Variants in PRKG1 observed in about 807,000 individuals in gnomAD.
PRKG1 encodes the protein cGMP-dependent protein kinase 1.
A neutral mutation model predicts 88.1 loss-of-function variants in PRKG1; 35 were observed. The observed-to-expected ratio is 0.40, with a 90% CI of 0.30 to 0.53. The LOEUF is 0.53. PRKG1 is among the 20% of genes least tolerant of loss of function. The pLI is 0.59. For synonymous variants in PRKG1, 303 were observed against 292.5 expected (o/e 1.04, Z -0.37); for missense variants, 540 against 839.8 (o/e 0.64, Z 4.41).
intron 4 of PRKG1, among the ~76,000 whole-genome samples, chr10:51,805,871 G>C (rs1274875900): frequency 6.6e-6 from 1 of 152,076 alleles, no homozygotes; most frequent in Non-Finnish European, 1.5e-5. Context: ...ATTAATTACT[G>C]TCAGCAGGGT....
chr10:51,784,729 T>C (rs1329006414), intron 3 of PRKG1, among the ~76,000 whole-genome samples: 1 of 152,144 alleles, frequency 6.6e-6, no homozygotes, highest in Non-Finnish European at 1.5e-5. Flanking sequence ...TTGAACTTCC[T>C]TCCCTGGAAA....
In PRKG1 at chr10:51,312,785, C is replaced by G. The variant is rs561520274; in HGVS notation, c.479-154938C>G. Among the ~76,000 whole-genome samples, 5 of 151,756 alleles carry G rather than the reference C, an allele frequency of 3.3e-5. 1 individual carries two copies. In the South Asian group the frequency reaches 1.0e-3, roughly 32 times the overall value. On this transcript the variant is annotated intron_variant, in intron 2 of 17. Transcript: ENST00000373980. ...ATGAACCTTCACAAATATACTATTTCCAGTCCCCAAGTAGTGGGGTACACA... is the reference window on the plus strand; with the variant it reads ...ATGAACCTTCACAAATATACTATTTGCAGTCCCCAAGTAGTGGGGTACACA...
intron 3 of PRKG1, among the ~76,000 whole-genome samples, chr10:51,767,004 T>A (rs1564638701): frequency 6.6e-6 from 1 of 152,224 alleles, no homozygotes; most frequent in Non-Finnish European, 1.5e-5. Flanking sequence ...GTTGTGTTTT[T>A]CTCATGTTAA....
At chr10:51,429,434 A>T (rs1040620515) in intron 2 of PRKG1, among the ~76,000 whole-genome samples, 1 of 152,158 alleles carries the variant, frequency 6.6e-6, no homozygotes, top group East Asian at 1.9e-4. Flanking sequence ...AACAAAATTC[A>T]TGAGACACAT....
chr10:51,199,425 T>C (rs1837855003), intron 2 of PRKG1, among the ~76,000 whole-genome samples: 1 of 152,194 alleles, frequency 6.6e-6, no homozygotes, highest in Non-Finnish European at 1.5e-5. Flanking sequence ...GTTCCAGGTT[T>C]ATATGTGAAT....
chr10:51,922,809 CAG>C (rs1218494692), intron 5 of PRKG1, among the ~76,000 whole-genome samples: 5 of 151,802 alleles, frequency 3.3e-5, no homozygotes, highest in African/African-American at 4.8e-5. Flanking sequence ...TTTTATGACA[CAG>C]AGTGTGGTTT....
chr10:51,079,423 G>A (rs1164521303), intron 1 of PRKG1, among the ~76,000 whole-genome samples: 2 of 152,154 alleles, frequency 1.3e-5, no homozygotes, highest in African/African-American at 4.8e-5. Context: ...TAGGTGAGTG[G>A]AAATGAGAGG....
At chr10:52,198,383 T>G (rs889950123) in intron 9 of PRKG1, among the ~76,000 whole-genome samples, 6 of 152,164 alleles carry the variant, frequency 3.9e-5, no homozygotes, top group African/African-American at 1.4e-4. Flanking sequence ...AAAGAAATTG[T>G]GTTTACAATG....
Position 52,123,169 on chromosome 10 carries a change from C to T in PRKG1, c.936-10671C>T, listed in dbSNP as rs1221672694. 3.3e-5 allele frequency among the ~76,000 whole-genome samples: 5 copies of T among 152,136 alleles called. No homozygotes were observed. In the East Asian group the frequency reaches 7.7e-4, roughly 23 times the overall value. On this transcript the variant is annotated intron_variant, in intron 7 of 17. Transcript: ENST00000373980. The stretch of plus-strand genomic sequence containing the variant: ...TCAGATAAAAAATTCATTATGCTAT[C>T]AACCCAGCAGAAGTAATGAAAAAAA...
chr10:52,071,543 T>C (rs1846496467), intron 7 of PRKG1, among the ~76,000 whole-genome samples: 1 of 152,108 alleles, frequency 6.6e-6, no homozygotes, highest in Non-Finnish European at 1.5e-5. Flanking sequence ...ATTTTTAGAA[T>C]GTCAAATTCT....
chr10:52,086,287 A>G (rs191555037), intron 7 of PRKG1, among the ~76,000 whole-genome samples: 2 of 152,222 alleles, frequency 1.3e-5, no homozygotes, highest in Admixed American at 1.3e-4. Flanking sequence ...TGTAAAAGTG[A>G]GTAGATACAT....
At chr10:51,297,379 C>T (rs149798486) in intron 2 of PRKG1, among the ~76,000 whole-genome samples, 196 of 152,206 alleles carry the variant, frequency 1.3e-3, no homozygotes, top group African/African-American at 4.5e-3. Context: ...AAAAATGCTG[C>T]TTTAACTGCT....
intron 5 of PRKG1, among the ~76,000 whole-genome samples, chr10:51,993,143 A>G (rs2133132161): frequency 6.6e-6 from 1 of 152,310 alleles, no homozygotes; most frequent in Non-Finnish European, 1.5e-5. Context: ...CCTCCTCATT[A>G]TATATCTAGC....
chr10:52,228,326 G>A (rs1050370542), intron 9 of PRKG1, among the ~76,000 whole-genome samples: 2 of 152,002 alleles, frequency 1.3e-5, no homozygotes, highest in African/African-American at 4.8e-5. Flanking sequence ...GCTAATCCAG[G>A]GATTTAAGCC....
chr10:52,074,436 C>G (rs1846581830), intron 7 of PRKG1, among the ~76,000 whole-genome samples: 2 of 152,104 alleles, frequency 1.3e-5, no homozygotes, highest in Non-Finnish European at 2.9e-5. Flanking sequence ...AATTGAGCTA[C>G]TTATAAAAAC....
chr10:52,277,963 AG>A (rs1841913690), intron 12 of PRKG1, among the ~76,000 whole-genome samples: 1 of 152,146 alleles, frequency 6.6e-6, no homozygotes, highest in Non-Finnish European at 1.5e-5. Context: ...AGCATTTGTA[AG>A]CTTTCAAAAA....
intron 3 of PRKG1, among the ~76,000 whole-genome samples, chr10:51,515,603 T>A (rs1841555998): frequency 1.3e-5 from 2 of 152,226 alleles, no homozygotes; most frequent in Admixed American, 1.3e-4. Flanking sequence ...GTTACTAAAT[T>A]GTCCTTACCT....
chr10:51,713,080 G>A (rs776511207), intron 3 of PRKG1, among the ~76,000 whole-genome samples: 6 of 152,098 alleles, frequency 3.9e-5, no homozygotes, highest in Non-Finnish European at 8.8e-5. Flanking sequence ...ACTGTCAGCG[G>A]TTTCATTAAG....
chr10:51,417,698 CT>C (rs1290934287), intron 2 of PRKG1, among the ~76,000 whole-genome samples: 2 of 152,116 alleles, frequency 1.3e-5, no homozygotes, highest in Non-Finnish European at 2.9e-5. Flanking sequence ...TCATTTTCCC[CT>C]ATGCCATTTT....
Sources: allele counts gnomAD v4.1 joint callset (sites outside exome capture counted in the v4.1 genomes callset), GRCh38; gene constraint gnomAD v4.1.1; transcripts MANE v1.5; gene names NCBI Gene and HGNC (gene_info 2026-07-23, HGNC 2026-07-21).